TMEM132D: variants seen among roughly 807,000 people sequenced by gnomAD.
TMEM132D encodes the protein transmembrane protein 132D, also known as mature OL transmembrane protein.
TMEM132D carries 21 observed loss-of-function variants against 62.3 expected under a neutral mutation model. That is an observed-to-expected ratio of 0.34 (90% confidence interval 0.24 to 0.49). The LOEUF is 0.49. Among genes scored for constraint, TMEM132D ranks in the 20% least tolerant of loss-of-function variants. The pLI is 0.99. For missense variants in TMEM132D, 1,346 were observed against 1,402.8 expected (o/e 0.96, Z 0.65); for synonymous variants, 621 against 575.6 (o/e 1.08, Z -1.13).
chr12:129,491,805 G>A (rs1874803831), intron 3 of TMEM132D, among the ~76,000 whole-genome samples: 1 of 152,154 alleles, frequency 6.6e-6, no homozygotes, highest in African/African-American at 2.4e-5. Flanking sequence ...AGCTGAGCAT[G>A]TTGGCACATG....
intron 1 of TMEM132D, among the ~76,000 whole-genome samples, chr12:129,776,889 T>A (rs911201017): frequency 8.9e-5 from 13 of 146,258 alleles, no homozygotes; most frequent in African/African-American, 3.0e-4. Context: ...TAGCTGTTTT[T>A]AATCGATATC....
chr12:129,854,070 G>T (rs531133118), intron 1 of TMEM132D, among the ~76,000 whole-genome samples: 2 of 152,192 alleles, frequency 1.3e-5, no homozygotes, highest in African/African-American at 4.8e-5. Context: ...TACTACTAAT[G>T]CCCATGGCAG....
intron 3 of TMEM132D, among the ~76,000 whole-genome samples, chr12:129,530,623 T>G (rs1371933062): frequency 2.0e-5 from 3 of 152,258 alleles, no homozygotes; most frequent in African/African-American, 7.2e-5. Context: ...TACAATCATA[T>G]GCATTGTATT....
At chr12:129,394,420 G>T (rs1432498989) in intron 3 of TMEM132D, among the ~76,000 whole-genome samples, 2 of 152,228 alleles carry the variant, frequency 1.3e-5, no homozygotes, top group Non-Finnish European at 2.9e-5. Context: ...ATTGAGATCA[G>T]TTGGCTCGAA....
chr12:129,528,649 T>C (rs1593052432), intron 3 of TMEM132D, among the ~76,000 whole-genome samples: 3 of 152,322 alleles, frequency 2.0e-5, no homozygotes, highest in African/African-American at 4.8e-5. Context: ...ACCTTACTTT[T>C]TGAACAAGCA....
At chr12:129,243,436 T>C (rs2135585624) in intron 4 of TMEM132D, among the ~76,000 whole-genome samples, 1 of 152,360 alleles carries the variant, frequency 6.6e-6, no homozygotes, top group Admixed American at 6.5e-5. Flanking sequence ...TGTGGCATAA[T>C]TACTTGATAT....
chr12:129,551,873 A>G (rs1446147233), intron 2 of TMEM132D, among the ~76,000 whole-genome samples: 1 of 152,216 alleles, frequency 6.6e-6, no homozygotes, highest in Non-Finnish European at 1.5e-5. Flanking sequence ...TATTAAAAAT[A>G]AAGAGAATAA....
intron 1 of TMEM132D, among the ~76,000 whole-genome samples, chr12:129,719,217 C>T (rs896881395): frequency 1.3e-5 from 2 of 151,950 alleles, no homozygotes; most frequent in South Asian, 4.1e-4. Context: ...CGAGATCGCA[C>T]GACTACACTA....
rs544561980 is a variant in TMEM132D at position 129,183,217 on chromosome 12, G to T, written c.1443+26303C>A. On this transcript the variant is annotated intron_variant, in intron 5 of 8. Coordinates refer to ENST00000422113, the MANE Select transcript of TMEM132D (RefSeq NM_133448.3). ...GCACAACCACCAGCAGGCCTGGTTA[G>T]TCTGGAACAGCCAAAGTAACAGTCT... 7.9e-5 allele frequency among the ~76,000 whole-genome samples: 12 copies of T among 152,360 alleles called. No homozygotes were observed. The East Asian group carries it at 2.3e-3, about 29-fold the overall frequency.
At chr12:129,504,243 A>C (rs1875261665) in intron 3 of TMEM132D, among the ~76,000 whole-genome samples, 1 of 152,138 alleles carries the variant, frequency 6.6e-6, no homozygotes, top group Non-Finnish European at 1.5e-5. Flanking sequence ...ATACCTCCTA[A>C]AAATTCATCT....
chr12:129,078,713 G>C lies in TMEM132D; in HGVS notation c.1936C>G (p.Leu646Val), dbSNP rs767288678. Residue 646 changes from leucine to valine, a missense_variant, in exon 8 of 9, where the codon CTG becomes GTG. Physicochemically the swap from Leu to Val is conservative, Grantham distance 32. Coordinates refer to ENST00000422113, the MANE Select transcript of TMEM132D (RefSeq NM_133448.3). The part of the protein sequence containing the change: ...GMTTIQILSP[L>V]SDTILAEKTI... The stretch of plus-strand genomic sequence containing the variant: ...TTTTCAGCGAGGATGGTGTCTGACA[G>C]AGGAGACAGGATCTGGAGGGCAGAA... 2 of 1,613,896 alleles carry C rather than the reference G, an allele frequency of 1.2e-6. No homozygotes were observed. The highest frequency in any genetic ancestry group is 1.7e-6 in the Non-Finnish European group (2 of 1,179,876).
chr12:129,095,485 G>T, intron 5 of TMEM132D, among the ~76,000 whole-genome samples: 1 of 151,478 alleles, frequency 6.6e-6, no homozygotes, highest in Non-Finnish European at 1.5e-5. Flanking sequence ...CTCCCAAGTA[G>T]GAACTACAGG....
chr12:129,777,021 T>C (rs929715623), intron 1 of TMEM132D, among the ~76,000 whole-genome samples: 1 of 152,224 alleles, frequency 6.6e-6, no homozygotes, highest in Admixed American at 6.5e-5. Flanking sequence ...CTGCACCATA[T>C]ATGTTTGATT....
chr12:129,313,212 T>C (rs1882024212), intron 4 of TMEM132D, among the ~76,000 whole-genome samples: 1 of 152,142 alleles, frequency 6.6e-6, no homozygotes, highest in Non-Finnish European at 1.5e-5. Flanking sequence ...CATGGGGTAT[T>C]TGGTTACATG....
At chr12:129,795,833 CTTA>C (rs1871547372) in intron 1 of TMEM132D, among the ~76,000 whole-genome samples, 1 of 152,100 alleles carries the variant, frequency 6.6e-6, no homozygotes, top group African/African-American at 2.4e-5. Context: ...TCCCACCTGA[CTTA>C]TTATTTTATT....
rs556321957 is a variant in TMEM132D, at chr12:129,175,908, G to A, written c.1443+33612C>T. The stretch of plus-strand genomic sequence containing the variant: ...TTGAAACTCTTATAGGGTTTAAGAC[G>A]TGAAGTAAAATGTCTGGCAGAGTCC... On this transcript the variant is annotated intron_variant, in intron 5 of 8. Transcript: ENST00000422113. Among the ~76,000 whole-genome samples, 10 of 152,284 alleles carry A rather than the reference G, an allele frequency of 6.6e-5. No homozygotes were observed. The South Asian group carries it at 1.7e-3, about 25-fold the overall frequency.
intron 1 of TMEM132D, among the ~76,000 whole-genome samples, chr12:129,769,682 A>T (rs1370548383): frequency 6.6e-6 from 1 of 152,208 alleles, no homozygotes; most frequent in African/African-American, 2.4e-5. Context: ...CTTGTAAGTT[A>T]GCCAATCCTT....
chr12:129,609,670 C>T (rs150622757), intron 2 of TMEM132D, among the ~76,000 whole-genome samples: 1 of 152,286 alleles, frequency 6.6e-6, no homozygotes, highest in East Asian at 1.9e-4. Context: ...GGTCCAGACA[C>T]TGGACAAGGG....
At chr12:129,566,721 A>G (rs1157369061) in intron 2 of TMEM132D, among the ~76,000 whole-genome samples, 1 of 152,158 alleles carries the variant, frequency 6.6e-6, no homozygotes, top group Non-Finnish European at 1.5e-5. Flanking sequence ...GATTGAGGAG[A>G]GAATTAACTA....
Sources: allele counts gnomAD v4.1 joint callset (sites outside exome capture counted in the v4.1 genomes callset), GRCh38; gene constraint gnomAD v4.1.1; transcripts MANE v1.5; gene names NCBI Gene and HGNC (gene_info 2026-07-23, HGNC 2026-07-21).